MYO16: variants seen among roughly 807,000 people sequenced by gnomAD.
MYO16 encodes myosin XVI.
MYO16 carries 94 observed loss-of-function variants against 205.3 expected under a neutral mutation model. That is an observed-to-expected ratio of 0.46 (90% CI 0.39 to 0.54). MYO16 has a LOEUF of 0.54. Ranked by LOEUF, MYO16 falls within the 20% of genes least tolerant of loss-of-function variation. The probability of loss-of-function intolerance (pLI) is 0.00; values close to 1 mark genes in which losing one functional copy is unlikely to be tolerated. For synonymous variants in MYO16, 988 were observed against 954.0 expected (o/e 1.04, Z -0.66); for missense variants, 2,315 against 2,387.5 (o/e 0.97, Z 0.63).
the MYO16 span, among the ~76,000 whole-genome samples, chr13:108,574,550 A>C: frequency 6.6e-6 from 1 of 152,150 alleles, no homozygotes; most frequent in Non-Finnish European, 1.5e-5. Context: ...TTTAATTCTC[A>C]ATAAAGCTTC....
chr13:108,719,622 C>T (rs774446953), intron 3 of MYO16, among the ~76,000 whole-genome samples: 83 of 152,116 alleles, frequency 5.5e-4, no homozygotes, highest in Non-Finnish European at 8.5e-4. Flanking sequence ...TGAATATGTA[C>T]GTTTAACTAA....
At chr13:108,790,739 T>C (rs1437995021) in intron 5 of MYO16, among the ~76,000 whole-genome samples, 1 of 152,180 alleles carries the variant, frequency 6.6e-6, no homozygotes, top group Non-Finnish European at 1.5e-5. Context: ...TCATATCTAA[T>C]TCAAAATTAA....
chr13:109,066,838 G>A (rs1180099663), intron 27 of MYO16, among the ~76,000 whole-genome samples: 5 of 152,084 alleles, frequency 3.3e-5, no homozygotes, highest in African/African-American at 9.7e-5. Flanking sequence ...TGATCTACTC[G>A]CACTCAGCTT....
At chr13:108,788,325 T>C (rs1886517373) in intron 5 of MYO16, among the ~76,000 whole-genome samples, 1 of 152,046 alleles carries the variant, frequency 6.6e-6, no homozygotes, top group Non-Finnish European at 1.5e-5. Context: ...CCTGCCAGGC[T>C]GTGAAATGAG....
intron 21 of MYO16, among the ~76,000 whole-genome samples, chr13:109,001,465 A>G (rs1885209626): frequency 6.6e-6 from 1 of 152,212 alleles, no homozygotes; most frequent in Non-Finnish European, 1.5e-5. Context: ...GGTAAGAGTC[A>G]GTCATGGTGC....
chr13:109,097,560 C>T (rs1189008754), intron 27 of MYO16, among the ~76,000 whole-genome samples: 1 of 152,218 alleles, frequency 6.6e-6, no homozygotes, highest in African/African-American at 2.4e-5. Flanking sequence ...CAGCTACCAA[C>T]TTCAGTACAC....
the MYO16 span, among the ~76,000 whole-genome samples, chr13:108,535,548 A>C: frequency 8.8e-3 from 1,336 of 152,326 alleles, 15 homozygotes; most frequent in African/African-American, 0.031. Flanking sequence ...TATTTGAAAA[A>C]TAACAAAATA....
intron 4 of MYO16, among the ~76,000 whole-genome samples, chr13:108,780,727 A>T (rs868644126): frequency 6.6e-6 from 1 of 152,240 alleles, no homozygotes. Context: ...AGCACTTCAC[A>T]TGCACCAGGC....
chr13:108,854,034 T>G (rs933950904), intron 10 of MYO16, among the ~76,000 whole-genome samples: 2 of 150,766 alleles, frequency 1.3e-5, no homozygotes, highest in African/African-American at 4.9e-5. Context: ...TGCTCTGTTG[T>G]CCAGGCTGGA....
intron 27 of MYO16, among the ~76,000 whole-genome samples, chr13:109,058,793 G>A (rs1887496659): frequency 6.6e-6 from 1 of 152,066 alleles, no homozygotes; most frequent in Non-Finnish European, 1.5e-5. Context: ...TGTAGCATGC[G>A]AAGCTGCAAC....
intron 13 of MYO16, among the ~76,000 whole-genome samples, chr13:108,884,748 G>A (rs1310671228): frequency 7.3e-5 from 11 of 150,924 alleles, no homozygotes; most frequent in African/African-American, 2.7e-4. Flanking sequence ...ACCCATTCTA[G>A]ACACAAGGAT....
intron 27 of MYO16, among the ~76,000 whole-genome samples, chr13:109,072,026 C>T (rs1450090326): frequency 6.6e-6 from 1 of 152,160 alleles, no homozygotes; most frequent in African/African-American, 2.4e-5. Context: ...GCCAATAAAG[C>T]ATACACATTC....
chr13:109,156,597 G>T (rs150438090), intron 32 of MYO16, among the ~76,000 whole-genome samples: 1 of 152,148 alleles, frequency 6.6e-6, no homozygotes, highest in Admixed American at 6.5e-5. Context: ...GATCTCTAGC[G>T]CAGGTACCTA....
the MYO16 span, among the ~76,000 whole-genome samples, chr13:108,498,736 C>A: frequency 6.6e-6 from 1 of 152,212 alleles, no homozygotes; most frequent in Admixed American, 6.5e-5. Flanking sequence ...AGGAAGGACA[C>A]AGTCCTAGAG....
intron 21 of MYO16, among the ~76,000 whole-genome samples, chr13:109,001,961 A>G (rs1885228502): frequency 6.6e-6 from 1 of 152,196 alleles, no homozygotes; most frequent in Non-Finnish European, 1.5e-5. Flanking sequence ...ACACACACAC[A>G]TTAATATCTT....
chr13:108,574,704 T>TGTGTGC, the MYO16 span, among the ~76,000 whole-genome samples: 1 of 83,958 alleles, frequency 1.2e-5, no homozygotes, highest in African/African-American at 4.0e-5. Flanking sequence ...TGTGTGTGTG[T>TGTGTGC]GTGTGCGCTT....
intron 3 of MYO16, among the ~76,000 whole-genome samples, chr13:108,714,727 C>G (rs1883874975): frequency 3.9e-5 from 6 of 152,022 alleles, no homozygotes; most frequent in Admixed American, 3.9e-4. Context: ...TTGACTTTTA[C>G]TTTATTTTTG....
chr13:108,554,668 T>A, the MYO16 span, among the ~76,000 whole-genome samples: 1 of 151,802 alleles, frequency 6.6e-6, no homozygotes, highest in Non-Finnish European at 1.5e-5. Context: ...GCTAACACGG[T>A]GAAACCCCGT....
chr13:109,177,006 C>T (rs1252905393), intron 33 of MYO16, among the ~76,000 whole-genome samples: 2 of 152,222 alleles, frequency 1.3e-5, no homozygotes, highest in Admixed American at 1.3e-4. Context: ...TGCAGTGCTA[C>T]CTATCGTCTC....
Sources: allele counts gnomAD v4.1 joint callset (sites outside exome capture counted in the v4.1 genomes callset), GRCh38; gene constraint gnomAD v4.1.1; transcripts MANE v1.5; gene names NCBI Gene and HGNC (gene_info 2026-07-23, HGNC 2026-07-21).